The following DLC1 variants were observed in gnomAD, a reference collection of about 807,000 sequenced individuals.
The protein encoded by DLC1 is rho GTPase-activating protein 7.
Under a neutral mutation model 140.3 loss-of-function variants are expected in DLC1, and 54 were observed. The ratio of observed to expected loss-of-function variants is 0.38; its 90% CI spans 0.31 to 0.48. DLC1 has a LOEUF of 0.48. Among genes scored for constraint, DLC1 ranks in the 20% least tolerant of loss-of-function variants. The pLI, the probability that DLC1 is intolerant of heterozygous loss-of-function variation, is 0.96. For missense variants in DLC1, 2,536 were observed against 1,907.0 expected (o/e 1.33, Z -6.14); for synonymous variants, 986 against 728.1 (o/e 1.35, Z -5.70).
At chr8:13,431,607 C>T (rs920470006) in intron 2 of DLC1, among the ~76,000 whole-genome samples, 1 of 150,556 alleles carries the variant, frequency 6.6e-6, no homozygotes, top group Non-Finnish European at 1.5e-5. Context: ...TTTCTCAATG[C>T]CATGGCAAAT....
rs1356490259 is a variant in DLC1, at chr8:13,214,788, G to T, written c.1348+90481C>A. The T allele has an allele frequency of 3.8e-6, 3 of 779,934 alleles. No individual in the cohort carries two copies. In the African/African-American group the frequency reaches 5.1e-5, roughly 13 times the overall value. 48.3% of individuals were successfully genotyped at this position (779,934 alleles called of 1,614,324 possible). ...CTGATTTTACCGCTGCTGGGTTCCA[G>T]GGGAGGTAAAAAGGAGAGGAGAAAA... On this transcript the variant is annotated intron_variant, in intron 5 of 17. Transcript: ENST00000276297.
At chr8:13,267,111 T>G (rs1830718463) in intron 5 of DLC1, among the ~76,000 whole-genome samples, 1 of 152,192 alleles carries the variant, frequency 6.6e-6, no homozygotes, top group Admixed American at 6.5e-5. Context: ...AAGAAAGATG[T>G]TTCCAGTGCA....
In DLC1 at chr8:13,143,859, A is replaced by G. The variant is rs552887967; in HGVS notation, c.1349-28202T>C. ...GAGAGAGAGAGAGAGAGAGACATAG[A>G]CATGCCAAGGTTTTCCAGCCGTTTC... On this transcript the variant is annotated intron_variant, in intron 5 of 17. Transcript: ENST00000276297. 1.9e-4 allele frequency among the ~76,000 whole-genome samples: 28 copies of G among 149,808 alleles called. No homozygotes were observed. The East Asian group carries it at 4.5e-3, about 24-fold the overall frequency.
intron 2 of DLC1, among the ~76,000 whole-genome samples, chr8:13,476,211 A>G (rs946099175): frequency 6.6e-6 from 1 of 152,232 alleles, no homozygotes; most frequent in African/African-American, 2.4e-5. Context: ...ATTGCTTTAT[A>G]AAAGTTTTTA....
chr8:13,478,264 G>A (rs1037660701), intron 2 of DLC1, among the ~76,000 whole-genome samples: 1 of 151,984 alleles, frequency 6.6e-6, no homozygotes, highest in Non-Finnish European at 1.5e-5. Flanking sequence ...AGAGAGAAGG[G>A]GGTAGGTGGA....
chr8:13,264,735 G>T (rs1004316031), intron 5 of DLC1, among the ~76,000 whole-genome samples: 2 of 152,166 alleles, frequency 1.3e-5, no homozygotes, highest in African/African-American at 4.8e-5. Flanking sequence ...CTTGGTATTA[G>T]TTAATTGATA....
chr8:13,511,935 TATGA>T (rs546280667), intron 1 of DLC1, among the ~76,000 whole-genome samples: 67 of 152,292 alleles, frequency 4.4e-4, no homozygotes, highest in African/African-American at 1.5e-3. Flanking sequence ...TCTAAAACTC[TATGA>T]ATAAGATTAA....
At chr8:13,223,265 C>A (rs1828644435) in intron 5 of DLC1, among the ~76,000 whole-genome samples, 1 of 152,118 alleles carries the variant, frequency 6.6e-6, no homozygotes, top group African/African-American at 2.4e-5. Flanking sequence ...TCCTGTGGCC[C>A]ATCAGACTAG....
At chr8:13,542,051 C>A (rs922117627) in intron 1 of DLC1, among the ~76,000 whole-genome samples, 5 of 152,100 alleles carry the variant, frequency 3.3e-5, no homozygotes, top group Admixed American at 2.6e-4. Context: ...TGAGGGGCAA[C>A]TGTTTCTAAT....
chr8:13,318,257 C>G (rs186395166), intron 4 of DLC1, among the ~76,000 whole-genome samples: 7 of 150,578 alleles, frequency 4.6e-5, no homozygotes, highest in Admixed American at 2.0e-4. Context: ...TGGTCTGAAA[C>G]TGCTGGCCTC....
chr8:13,520,097 A>G (rs909792526), intron 1 of DLC1, among the ~76,000 whole-genome samples: 10 of 152,344 alleles, frequency 6.6e-5, no homozygotes, highest in African/African-American at 2.2e-4. Context: ...TAGAAGTACC[A>G]TTTGACCCTG....
chr8:13,096,709 G>C (rs1585600866), intron 10 of DLC1, among the ~76,000 whole-genome samples: 1 of 152,120 alleles, frequency 6.6e-6, no homozygotes, highest in East Asian at 1.9e-4. Context: ...CTTTGATGCT[G>C]AAGTTAAATC....
At position 13,412,163 on chromosome 8, in the gene DLC1, A is replaced by G. The variant is rs192463457; in HGVS notation, c.1024-10544T>C. 1.1e-4 allele frequency among the ~76,000 whole-genome samples: 16 copies of G among 152,336 alleles called. No homozygotes were observed. The East Asian group carries it at 3.1e-3, about 29-fold the overall frequency. On this transcript the variant is annotated intron_variant, in intron 2 of 17. Transcript: ENST00000276297. ...ATTGGTCAAAGCATATAAAGAGTCT[A>G]TTAATAGAAGAATTCCTAATGATTT...
In DLC1 at chr8:13,106,727, A is replaced by G. The variant is rs562503421; in HGVS notation, c.1503-3874T>C. Among the ~76,000 whole-genome samples the G allele has an allele frequency of 2.7e-4, 41 of 152,358 alleles. No homozygotes were observed. In the South Asian group the frequency reaches 8.3e-3, roughly 31 times the overall value. ...TTTGCATGGCTCAGGCATCTGATGG[A>G]CTGCTTTACAACAAAGTGAATACTG... On this transcript the variant is annotated intron_variant, in intron 7 of 17. Coordinates refer to ENST00000276297, the MANE Select transcript of DLC1 (RefSeq NM_182643.3).
chr8:13,260,539 A>T (rs546929457), intron 5 of DLC1, among the ~76,000 whole-genome samples: 1 of 152,210 alleles, frequency 6.6e-6, no homozygotes, highest in African/African-American at 2.4e-5. Flanking sequence ...GTGAAGTTGC[A>T]TGATACCCAT....
At chr8:13,489,904 G>T (rs942701148) in intron 2 of DLC1, among the ~76,000 whole-genome samples, 1 of 152,118 alleles carries the variant, frequency 6.6e-6, no homozygotes, top group African/African-American at 2.4e-5. Context: ...TCGAATTCTG[G>T]TTAAAAAATA....
chr8:13,407,956 A>G (rs1375759126), intron 2 of DLC1, among the ~76,000 whole-genome samples: 1 of 152,126 alleles, frequency 6.6e-6, no homozygotes, highest in Non-Finnish European at 1.5e-5. Flanking sequence ...TCTTAAAATA[A>G]TATCCTGTTT....
At chr8:13,272,119 T>G (rs1216437414) in intron 5 of DLC1, among the ~76,000 whole-genome samples, 1 of 152,230 alleles carries the variant, frequency 6.6e-6, no homozygotes, top group Non-Finnish European at 1.5e-5. Context: ...TTGATACTAT[T>G]TAGTAGGTCT....
chr8:13,246,643 A>ATAGTACGAC (rs1829775115), intron 5 of DLC1, among the ~76,000 whole-genome samples: 1 of 152,276 alleles, frequency 6.6e-6, no homozygotes, highest in South Asian at 2.1e-4. Context: ...CTACAAAGGT[A>ATAGTACGAC]TAGTACGACA....
Sources: gnomAD v4.1 joint callset for allele counts (sites outside exome capture counted in the v4.1 genomes callset) on GRCh38, gnomAD v4.1.1 for gene constraint, MANE v1.5 for transcripts, NCBI Gene and HGNC (gene_info 2026-07-23, HGNC 2026-07-21) for gene names.